Variants in RAB38 observed in about 807,000 individuals in gnomAD.
The protein encoded by RAB38 is RAB38, member RAS oncogene family, also known as ras-related protein Rab-38.
A neutral mutation model predicts 18.4 loss-of-function variants in RAB38; 15 were observed. That is an observed-to-expected ratio of 0.82 (90% CI 0.55 to 1.26). The LOEUF is 1.26. RAB38 is among the 50% of genes most tolerant of loss of function. RAB38 has a pLI of 0.00. For synonymous variants in RAB38, 101 were observed against 104.4 expected, an observed-to-expected ratio of 0.97 and a Z score of 0.20; for missense variants, 294 against 267.4, an observed-to-expected ratio of 1.10 and a Z score of -0.69.
At chr11:87,804,289 T>G in the RAB38 span, among the ~76,000 whole-genome samples, 4 of 152,316 alleles carry the variant, frequency 2.6e-5, no homozygotes, top group African/African-American at 7.2e-5. Context: ...GCAGTGGGTG[T>G]ATGCATTGTC....
chr11:88,106,521 G>A, the RAB38 span, among the ~76,000 whole-genome samples: 2 of 152,084 alleles, frequency 1.3e-5, no homozygotes, highest in South Asian at 2.1e-4. Flanking sequence ...CATGACCTGG[G>A]TCATCTGGAA....
the RAB38 span, among the ~76,000 whole-genome samples, chr11:87,855,332 T>A: frequency 6.6e-6 from 1 of 152,130 alleles, no homozygotes; most frequent in Non-Finnish European, 1.5e-5. Flanking sequence ...AAACATAGTT[T>A]CCATGGTGAT....
the RAB38 span, among the ~76,000 whole-genome samples, chr11:88,087,851 C>T: frequency 6.6e-6 from 1 of 151,884 alleles, no homozygotes; most frequent in Non-Finnish European, 1.5e-5. Flanking sequence ...TTCACTTTAT[C>T]CTGTCTGGAC....
chr11:87,976,956 TAC>T, the RAB38 span, among the ~76,000 whole-genome samples: 4 of 65,590 alleles, frequency 6.1e-5, no homozygotes, highest in Non-Finnish European at 1.0e-4. Context: ...AAAATATAAT[TAC>T]ATTATACAAG....
chr11:88,070,509 C>A, the RAB38 span, among the ~76,000 whole-genome samples: 1 of 152,164 alleles, frequency 6.6e-6, no homozygotes, highest in Non-Finnish European at 1.5e-5. Flanking sequence ...GAGTCTAAAC[C>A]ATTTTCAGAA....
the RAB38 span, among the ~76,000 whole-genome samples, chr11:87,834,920 G>T: frequency 6.6e-6 from 1 of 152,204 alleles, no homozygotes; most frequent in Non-Finnish European, 1.5e-5. Context: ...TGAGGAAACT[G>T]ATGCTCAGCA....
the RAB38 span, among the ~76,000 whole-genome samples, chr11:88,065,828 G>T: frequency 1.3e-5 from 2 of 152,176 alleles, no homozygotes; most frequent in Non-Finnish European, 2.9e-5. Context: ...TGTTCATCAT[G>T]GCACAGAGGA....
the RAB38 span, among the ~76,000 whole-genome samples, chr11:88,040,667 T>A: frequency 6.6e-6 from 1 of 152,000 alleles, no homozygotes; most frequent in African/African-American, 2.4e-5. Flanking sequence ...TGCACCACGG[T>A]ACTCCAGCCT....
the RAB38 span, among the ~76,000 whole-genome samples, chr11:87,926,080 T>A: frequency 6.6e-6 from 1 of 151,796 alleles, no homozygotes; most frequent in Non-Finnish European, 1.5e-5. Context: ...ACTCTGTTAA[T>A]GGCCTATGCT....
chr11:88,076,087 A>C, the RAB38 span, among the ~76,000 whole-genome samples: 1 of 151,706 alleles, frequency 6.6e-6, no homozygotes, highest in East Asian at 1.9e-4. Flanking sequence ...GACTGACTAA[A>C]AAAGAGAGAA....
At chr11:88,069,217 C>G in the RAB38 span, among the ~76,000 whole-genome samples, 1 of 152,184 alleles carries the variant, frequency 6.6e-6, no homozygotes, top group Admixed American at 6.5e-5. Context: ...GAGGGGGTGC[C>G]GGGTCCCCCA....
intron 1 of RAB38, among the ~76,000 whole-genome samples, chr11:88,171,240 T>C (rs1427942927): frequency 6.6e-6 from 1 of 152,168 alleles, no homozygotes; most frequent in Non-Finnish European, 1.5e-5. Context: ...TTATTCCCAT[T>C]TTACAGACAG....
the RAB38 span, among the ~76,000 whole-genome samples, chr11:87,804,223 T>G: frequency 3.9e-5 from 6 of 152,222 alleles, no homozygotes; most frequent in Non-Finnish European, 7.3e-5. Context: ...TTGTTTTTAC[T>G]TTCTTTACTT....
the RAB38 span, among the ~76,000 whole-genome samples, chr11:87,897,595 A>T: frequency 6.6e-6 from 1 of 151,636 alleles, no homozygotes; most frequent in African/African-American, 2.4e-5. Context: ...ATTTTCCCCA[A>T]AATTTCTAGA....
At chr11:88,034,019 G>A in the RAB38 span, among the ~76,000 whole-genome samples, 463 of 152,182 alleles carry the variant, frequency 3.0e-3, 4 homozygotes, top group African/African-American at 9.8e-3. Flanking sequence ...GAGCCACCGC[G>A]CCCTGCAGTT....
At chr11:88,170,195 ATTAT>A (rs1442611897) in intron 1 of RAB38, among the ~76,000 whole-genome samples, 2 of 152,180 alleles carry the variant, frequency 1.3e-5, no homozygotes, top group African/African-American at 4.8e-5. Flanking sequence ...CACTGTACAC[ATTAT>A]TTACCCGTAA....
At chr11:87,810,616 C>T in the RAB38 span, among the ~76,000 whole-genome samples, 769 of 152,228 alleles carry the variant, frequency 5.1e-3, 7 homozygotes, top group African/African-American at 0.018. Context: ...CTGGTCCTAA[C>T]GGTGTGACTT....
At chr11:88,141,096 C>T (rs1369600735) in intron 2 of RAB38, among the ~76,000 whole-genome samples, 1 of 152,150 alleles carries the variant, frequency 6.6e-6, no homozygotes, top group Admixed American at 6.5e-5. Flanking sequence ...CTCCCACAGA[C>T]TCATGGAAAC....
At chr11:88,118,235 G>A (rs1024772217) in intron 2 of RAB38, among the ~76,000 whole-genome samples, 1 of 152,222 alleles carries the variant, frequency 6.6e-6, no homozygotes, top group African/African-American at 2.4e-5. Context: ...CAGGAATCAG[G>A]CAAGGCTGAT....
Sources: gnomAD v4.1 joint callset for allele counts (sites outside exome capture counted in the v4.1 genomes callset) on GRCh38, gnomAD v4.1.1 for gene constraint, MANE v1.5 for transcripts, NCBI Gene and HGNC (gene_info 2026-07-23, HGNC 2026-07-21) for gene names.